Variants in RHOU observed in about 807,000 individuals in gnomAD.
RHOU encodes ras homolog family member U.
In RHOU, 8 loss-of-function variants were observed where a neutral mutation model predicts 12.6. The observed-to-expected ratio is 0.64, with a 90% CI of 0.37 to 1.15. RHOU has a LOEUF of 1.15. Among genes scored for constraint, RHOU ranks in the 50% most tolerant of loss-of-function variants. The pLI is 0.01. For synonymous variants in RHOU, 161 were observed against 147.4 expected (o/e 1.09, Z -0.67); for missense variants, 258 against 347.0 (o/e 0.74, Z 2.04).
At chr1:228,695,313 T>C in the RHOU span, among the ~76,000 whole-genome samples, 1 of 152,174 alleles carries the variant, frequency 6.6e-6, no homozygotes, top group African/African-American at 2.4e-5. Flanking sequence ...ACTGTTTTTT[T>C]CTCTGATCTC....
the RHOU span, among the ~76,000 whole-genome samples, chr1:228,646,640 C>G: frequency 7.0e-6 from 1 of 143,688 alleles, no homozygotes; most frequent in African/African-American, 2.6e-5. Flanking sequence ...CTGTTTTGCC[C>G]CGGGCTGGCA....
At chr1:228,713,310 C>A in the RHOU span, among the ~76,000 whole-genome samples, 8 of 152,226 alleles carry the variant, frequency 5.3e-5, no homozygotes, top group South Asian at 8.3e-4. Flanking sequence ...ATCAATCATG[C>A]CTATGTAATA....
chr1:228,647,534 C>T, the RHOU span, among the ~76,000 whole-genome samples: 2 of 152,214 alleles, frequency 1.3e-5, no homozygotes, highest in African/African-American at 4.8e-5. Context: ...GAGCGGAGAT[C>T]TTGGCTGGCG....
the RHOU span, among the ~76,000 whole-genome samples, chr1:228,676,922 A>G: frequency 1.3e-5 from 2 of 152,210 alleles, no homozygotes; most frequent in African/African-American, 4.8e-5. Flanking sequence ...CAGTTGCTTC[A>G]GGCCATCTGG....
At position 228,743,859 on chromosome 1, in the gene RHOU, A is replaced by T. The variant is rs973550116; in HGVS notation, c.*119A>T. On this transcript the variant is annotated 3_prime_UTR_variant, in exon 3 of 3. Transcript: ENST00000366691. The surrounding 1 kb of genome is among the most constrained non-coding windows in gnomAD (Gnocchi z 5.1). ...TATCGAGAGTGTGTGTATATGTATT[A>T]TAGGAGGAGCTCTCAATTTTATGTA... 120 of 823,328 alleles carry T rather than the reference A, an allele frequency of 1.5e-4. No homozygotes were observed. The highest frequency in any genetic ancestry group is 2.1e-4 in the Non-Finnish European group (115 of 536,540). 51.0% of individuals were successfully genotyped at this position (823,328 alleles called of 1,614,324 possible). A position where few individuals can be genotyped will look rare whatever the true frequency, so the allele number is the denominator to read the frequency against.
chr1:228,721,565 C>T, the RHOU span, among the ~76,000 whole-genome samples: 1 of 152,348 alleles, frequency 6.6e-6, no homozygotes, highest in Admixed American at 6.5e-5. Context: ...ACCGACACAA[C>T]CAGATCCAGT....
rs774717562 is a variant in RHOU at position 228,743,613 on chromosome 1, C to A, written c.650C>A (p.Ala217Glu). The change falls in exon 3 of 3, where the codon GCA (alanine) becomes GAA (glutamate). Residue 217 changes from alanine to glutamate, a missense_variant. Coordinates refer to ENST00000366691, the MANE Select transcript of RHOU (RefSeq NM_021205.6). The surrounding 1 kb of genome is among the most constrained non-coding windows in gnomAD (Gnocchi z 5.1). ...TQKNLKEVFDAAIVAGIQYSD... is the reference protein window; with the variant it reads ...TQKNLKEVFDEAIVAGIQYSD... ...AAAAACCTCAAAGAGGTCTTTGATGCAGCCATCGTCGCTGGCATTCAATAC... is the reference window on the plus strand; with the variant it reads ...AAAAACCTCAAAGAGGTCTTTGATGAAGCCATCGTCGCTGGCATTCAATAC... The A allele has an allele frequency of 7.4e-6, 12 of 1,614,088 alleles. No homozygotes were observed. The highest frequency in any genetic ancestry group is 1.0e-5 in the Non-Finnish European group (12 of 1,180,036).
the RHOU span, among the ~76,000 whole-genome samples, chr1:228,670,547 C>T: frequency 6.6e-6 from 1 of 152,320 alleles, no homozygotes; most frequent in Admixed American, 6.5e-5. Flanking sequence ...ACCTAAAAAG[C>T]ATAAGAAGAG....
the RHOU span, among the ~76,000 whole-genome samples, chr1:228,659,954 AC>A: frequency 2.2e-3 from 219 of 101,650 alleles, no homozygotes; most frequent in Middle Eastern, 0.017. Flanking sequence ...CCTGGTCTCT[AC>A]AAAAAAAAAA....
chr1:228,742,773 A>G (rs6681548), intron 2 of RHOU, among the ~76,000 whole-genome samples: 21,338 of 152,126 alleles, frequency 0.14, 1,771 homozygotes, highest in East Asian at 0.24. Flanking sequence ...ATGGGATGAA[A>G]TTGGCATCAC....
the RHOU span, among the ~76,000 whole-genome samples, chr1:228,692,045 C>A: frequency 1.3e-5 from 2 of 152,154 alleles, no homozygotes; most frequent in African/African-American, 2.4e-5. Context: ...TTGCTTTTAA[C>A]CATAAATACT....
the RHOU span, among the ~76,000 whole-genome samples, chr1:228,724,858 G>A: frequency 6.6e-6 from 1 of 152,076 alleles, no homozygotes; most frequent in Non-Finnish European, 1.5e-5. Flanking sequence ...CATTATGTGA[G>A]TCTCCACCCT....
At chr1:228,669,354 G>A in the RHOU span, among the ~76,000 whole-genome samples, 1 of 151,820 alleles carries the variant, frequency 6.6e-6, no homozygotes, top group Admixed American at 6.6e-5. Flanking sequence ...GCATTGCCTG[G>A]GTGATGCTGA....
chr1:228,683,257 C>T, the RHOU span, among the ~76,000 whole-genome samples: 1 of 152,186 alleles, frequency 6.6e-6, no homozygotes, highest in Non-Finnish European at 1.5e-5. Flanking sequence ...ACAGAGGCAA[C>T]CGGTCCACCT....
At chr1:228,650,183 C>T in the RHOU span, 613 of 456,640 alleles carry the variant, frequency 1.3e-3, 11 homozygotes, top group South Asian at 9.1e-3. Flanking sequence ...GTTCCATCAG[C>T]GGCTGCAGCC....
the RHOU span, among the ~76,000 whole-genome samples, chr1:228,707,263 T>TATATATATATATATA: frequency 1.0e-5 from 1 of 96,864 alleles, no homozygotes; most frequent in African/African-American, 6.0e-5. Flanking sequence ...ATAGTGTGTG[T>TATATATATATATATA]GTGTGTGTGT....
chr1:228,651,640 G>T, the RHOU span, among the ~76,000 whole-genome samples: 1 of 152,198 alleles, frequency 6.6e-6, no homozygotes, highest in African/African-American at 2.4e-5. Flanking sequence ...TCAAGGGACT[G>T]CCCAGTCCTT....
the RHOU span, among the ~76,000 whole-genome samples, chr1:228,725,968 T>C: frequency 6.6e-6 from 1 of 152,232 alleles, no homozygotes; most frequent in African/African-American, 2.4e-5. Context: ...TTACTTAAGG[T>C]CACCTTTACA....
chr1:228,671,116 T>C, the RHOU span, among the ~76,000 whole-genome samples: 1 of 152,112 alleles, frequency 6.6e-6, no homozygotes. Context: ...GTGATTCTCC[T>C]TCCTCAGCCT....
Sources: gnomAD v4.1 joint callset for allele counts (sites outside exome capture counted in the v4.1 genomes callset) on GRCh38, gnomAD v4.1.1 for gene constraint, Gnocchi (gnomAD v3.1) non-coding constraint, MANE v1.5 for transcripts, NCBI Gene and HGNC (gene_info 2026-07-23, HGNC 2026-07-21) for gene names.